Variants in FAM72C observed in about 807,000 individuals in gnomAD.
The protein encoded by FAM72C is protein FAM72C.
In FAM72C, 1 loss-of-function variant was observed where a neutral mutation model predicts 5.2. That is an observed-to-expected ratio of 0.19 (90% CI 0.07 to 0.91). The LOEUF (loss-of-function observed/expected upper bound fraction) is 0.91, where lower values mean the gene tolerates loss of function less well. Ranked by LOEUF, FAM72C falls within the 40% of genes least tolerant of loss-of-function variation. The pLI is 0.66. For synonymous variants in FAM72C, 1 was observed against 21.8 expected (o/e 0.05, Z 2.66); for missense variants, 4 against 66.0 (o/e 0.06, Z 3.25).
Position 143,960,831 on chromosome 1 carries a change from ATTTTT to A in FAM72C, c.355+4019_355+4023del, listed in dbSNP as rs1255827785. Among the ~76,000 whole-genome samples, 237 of 115,316 alleles carry A rather than the reference ATTTTT, an allele frequency of 2.1e-3. 6 individuals are homozygous for A. The highest frequency in any genetic ancestry group is 7.6e-3 in the African/African-American group (228 of 29,830). The allele number at this position is 115,316 out of a possible 152,430, so 75.7% of individuals were successfully genotyped here. Reference sequence around the variant, plus strand: ...TGGTAGTGTACTTTCTTACTAAAATATTTTTTTTTTTTTTTTTTTTGAGACAGGAT... The same window carrying A: ...TGGTAGTGTACTTTCTTACTAAAATATTTTTTTTTTTTTTTGAGACAGGAT... On this transcript the variant is annotated intron_variant, in intron 3 of 3. Coordinates refer to ENST00000584486, the MANE Select transcript of FAM72C (RefSeq NM_001287385.2).
At chr1:143,966,967 G>T (rs1276197244) in intron 2 of FAM72C, among the ~76,000 whole-genome samples, 9 of 144,524 alleles carry the variant, frequency 6.2e-5, no homozygotes, top group Admixed American at 1.4e-4. Context: ...GACGGAGGTT[G>T]CAGTGAGCCA....
intron 3 of FAM72C, among the ~76,000 whole-genome samples, chr1:143,963,873 A>G (rs1661704157): frequency 7.7e-6 from 1 of 130,556 alleles, no homozygotes; most frequent in South Asian, 2.7e-4. Flanking sequence ...GCTGAAATGC[A>G]CTGGCATGAT....
chr1:143,961,990 A>G (rs1553517932), intron 3 of FAM72C, among the ~76,000 whole-genome samples: 1 of 146,860 alleles, frequency 6.8e-6, no homozygotes, highest in Admixed American at 6.8e-5. Context: ...AGGTGGCTAC[A>G]CTAAACAACA....
At chr1:143,959,860 C>A (rs1661551230) in intron 3 of FAM72C, among the ~76,000 whole-genome samples, 1 of 134,632 alleles carries the variant, frequency 7.4e-6, no homozygotes, top group African/African-American at 3.2e-5. Flanking sequence ...ACCTGTGGTC[C>A]CACCTATTGA....
chr1:143,961,939 G>A (rs1178221009), intron 3 of FAM72C, among the ~76,000 whole-genome samples: 1 of 146,936 alleles, frequency 6.8e-6, no homozygotes, highest in Non-Finnish European at 1.5e-5. Flanking sequence ...CGTAGAAGCT[G>A]CAGCAAGTTA....
In FAM72C at chr1:143,955,676, G is replaced by T. The variant is rs1262863548; in HGVS notation, c.*711C>A. The T allele has an allele frequency of 8.2e-5, 11 of 133,542 alleles. No individual in the cohort carries two copies. The highest frequency in any genetic ancestry group is 1.6e-4 in the Non-Finnish European group (10 of 62,626). 8.3% of individuals were successfully genotyped at this position (133,542 alleles called of 1,614,324 possible). A position where few individuals can be genotyped will look rare whatever the true frequency, so the allele number is the denominator to read the frequency against. On this transcript the variant is annotated 3_prime_UTR_variant, in exon 4 of 4. Coordinates refer to ENST00000584486, the MANE Select transcript of FAM72C (RefSeq NM_001287385.2). ...TCTAAAATTCACTATTTACAGAGAA[G>T]GTCCTAGGGAACAGGATAACTTATT...
chr1:143,963,582 C>G (rs1222083591), intron 3 of FAM72C, among the ~76,000 whole-genome samples: 2 of 144,750 alleles, frequency 1.4e-5, no homozygotes, highest in African/African-American at 5.0e-5. Flanking sequence ...GTGTAAAATT[C>G]TATCAAATGG....
rs1413727268 is a variant in FAM72C, at chr1:143,961,930, G to T, written c.355+2925C>A. On this transcript the variant is annotated intron_variant, in intron 3 of 3. Transcript: ENST00000584486. Reference sequence around the variant, plus strand: ...TTCAGGTGAAGCAAAAAGTGCAGACGTAGAAGCTGCAGCAAGTTATCCAGA... The same window carrying T: ...TTCAGGTGAAGCAAAAAGTGCAGACTTAGAAGCTGCAGCAAGTTATCCAGA... Among the ~76,000 whole-genome samples the T allele has an allele frequency of 4.8e-5, 7 of 146,826 alleles. 1 individual carries two copies. Among genetic ancestry groups the T allele is most frequent in the Admixed American group, 2.7e-4 (4 of 14,638 alleles).
chr1:143,965,987 A>T (rs1209109880), intron 2 of FAM72C, among the ~76,000 whole-genome samples: 2 of 112,702 alleles, frequency 1.8e-5, no homozygotes, highest in African/African-American at 6.1e-5. Context: ...CTTTAAAAAA[A>T]ATAGCAACAT....
intron 3 of FAM72C, among the ~76,000 whole-genome samples, chr1:143,963,938 C>T (rs1250313153): frequency 2.1e-5 from 2 of 94,202 alleles, no homozygotes; most frequent in Non-Finnish European, 4.4e-5. Context: ...CCACCTCAGC[C>T]TCCTGGGTAG....
chr1:143,962,203 G>A lies in FAM72C; in HGVS notation c.355+2652C>T, dbSNP rs1198261244. On this transcript the variant is annotated intron_variant, in intron 3 of 3. Transcript: ENST00000584486. ...CTAATTTTGTATTTTTAGTAGAGAC[G>A]GGGTTTCTCCATGTTGGTCAGGCTG... Among the ~76,000 whole-genome samples, 3 of 142,416 alleles carry A rather than the reference G, an allele frequency of 2.1e-5. 1 individual carries two copies. Among genetic ancestry groups the A allele is most frequent in the Non-Finnish European group, 4.7e-5 (3 of 64,424 alleles). 93.4% of individuals were successfully genotyped at this position (142,416 alleles called of 152,430 possible).
chr1:143,965,902 AT>A (rs1271464551), intron 2 of FAM72C, among the ~76,000 whole-genome samples: 48 of 122,696 alleles, frequency 3.9e-4, no homozygotes, highest in East Asian at 8.9e-4. Flanking sequence ...GTCTTTCACA[AT>A]TTTTTTTTTT....
At position 143,962,322 on chromosome 1, in the gene FAM72C, C is replaced by CT. The variant is rs71252095; in HGVS notation, c.355+2532dup. On this transcript the variant is annotated intron_variant, in intron 3 of 3. Transcript: ENST00000584486. The stretch of plus-strand genomic sequence containing the variant: ...AGCCACCGCGCCCGGCCTCTTATTC[C>CT]TTTTTTTTTTTCAGATGGAGTTTCA... Among the ~76,000 whole-genome samples the CT allele has an allele frequency of 2.9e-3, 396 of 135,532 alleles. 9 individuals carry two copies. The highest frequency in any genetic ancestry group is 8.3e-3 in the African/African-American group (308 of 37,226). 88.9% of individuals were successfully genotyped at this position (135,532 alleles called of 152,430 possible). A position where few individuals can be genotyped will look rare whatever the true frequency, so the allele number is the denominator to read the frequency against.
chr1:143,961,919 A>G (rs1167398177), intron 3 of FAM72C, among the ~76,000 whole-genome samples: 2 of 146,690 alleles, frequency 1.4e-5, no homozygotes, highest in African/African-American at 5.0e-5. Context: ...GGTGAAGCAA[A>G]AAGTGCAGAC....
At chr1:143,962,571 G>A (rs1415643304) in intron 3 of FAM72C, among the ~76,000 whole-genome samples, 2 of 64,422 alleles carry the variant, frequency 3.1e-5, no homozygotes, top group African/African-American at 1.2e-4. Flanking sequence ...TGGGATTATA[G>A]GCGTGAACCA....
intron 3 of FAM72C, among the ~76,000 whole-genome samples, chr1:143,962,102 C>T (rs879956849): frequency 0.029 from 3,946 of 135,598 alleles, 315 homozygotes; most frequent in Non-Finnish European, 0.047. Context: ...GCAACCTCCG[C>T]CTCCCGGGTT....
rs1428610753 is a variant in FAM72C, at chr1:143,960,785, A to AT, written c.355+4069dup. On this transcript the variant is annotated intron_variant, in intron 3 of 3. Transcript: ENST00000584486. Reference sequence around the variant, plus strand: ...CAGCACCTTAACACAAGGAAAAAGAATTTTTTTTTTTTAAAAGAATTGGTA... The same window carrying AT: ...CAGCACCTTAACACAAGGAAAAAGAATTTTTTTTTTTTTAAAAGAATTGGTA... Among the ~76,000 whole-genome samples the AT allele has an allele frequency of 6.4e-3, 877 of 136,068 alleles. 50 individuals carry two copies. The highest frequency in any genetic ancestry group is 0.023 in the African/African-American group (811 of 35,508). The allele number at this position is 136,068 out of a possible 152,430, so 89.3% of individuals were successfully genotyped here.
chr1:143,960,951 T>C (rs1318456284), intron 3 of FAM72C, among the ~76,000 whole-genome samples: 1 of 132,816 alleles, frequency 7.5e-6, no homozygotes, highest in African/African-American at 2.8e-5. Flanking sequence ...TTTCATCATA[T>C]TGGCCAGGCT....
intron 2 of FAM72C, among the ~76,000 whole-genome samples, chr1:143,965,427 C>T (rs1245586523): frequency 9.4e-6 from 1 of 106,774 alleles, no homozygotes; most frequent in Non-Finnish European, 2.0e-5. Flanking sequence ...AACTCCTGAC[C>T]TCAGGTGATC....
Sources: gnomAD v4.1 joint callset for allele counts (sites outside exome capture counted in the v4.1 genomes callset) on GRCh38, gnomAD v4.1.1 for gene constraint, MANE v1.5 for transcripts, NCBI Gene and HGNC (gene_info 2026-07-23, HGNC 2026-07-21) for gene names.